NEGR1: variants seen among roughly 807,000 people sequenced by gnomAD.
The protein encoded by NEGR1 is IgLON family member 4.
Under a neutral mutation model 40.9 loss-of-function variants are expected in NEGR1, and 10 were observed. The ratio of observed to expected loss-of-function variants is 0.24; its 90% CI spans 0.15 to 0.42. The LOEUF (loss-of-function observed/expected upper bound fraction) is 0.42, where lower values mean the gene tolerates loss of function less well. NEGR1 is among the 10% of genes least tolerant of loss of function. NEGR1 has a pLI of 1.00. For missense variants in NEGR1, 352 were observed against 438.9 expected, an observed-to-expected ratio of 0.80 and a Z score of 1.77; for synonymous variants, 185 against 166.8, an observed-to-expected ratio of 1.11 and a Z score of -0.84.
chr1:72,273,957 T>G (rs1057183321), intron 1 of NEGR1, among the ~76,000 whole-genome samples: 12 of 151,676 alleles, frequency 7.9e-5, no homozygotes, highest in Non-Finnish European at 1.2e-4. Context: ...TAGGGATAGC[T>G]GAATGAGCAT....
At chr1:71,430,565 T>C (rs1646459024) in intron 6 of NEGR1, among the ~76,000 whole-genome samples, 1 of 152,004 alleles carries the variant, frequency 6.6e-6, no homozygotes. Context: ...GAGTTGGCTA[T>C]AAAACATCCA....
intron 6 of NEGR1, among the ~76,000 whole-genome samples, chr1:71,455,511 G>C (rs1341893918): frequency 6.6e-6 from 1 of 152,168 alleles, no homozygotes; most frequent in African/African-American, 2.4e-5. Context: ...CAGATCACAA[G>C]GTCAGGAGAT....
At chr1:71,991,793 T>C (rs916804146) in intron 1 of NEGR1, among the ~76,000 whole-genome samples, 6 of 152,070 alleles carry the variant, frequency 3.9e-5, no homozygotes, top group Non-Finnish European at 8.8e-5. Flanking sequence ...TTTGTTTGTT[T>C]GTTTGTTTGT....
intron 1 of NEGR1, among the ~76,000 whole-genome samples, chr1:72,130,938 T>C (rs1650223610): frequency 6.6e-6 from 1 of 152,118 alleles, no homozygotes; most frequent in South Asian, 2.1e-4. Flanking sequence ...GGATGAGGAA[T>C]AGAATTAGGA....
chr1:72,099,545 A>C (rs1426134068), intron 1 of NEGR1, among the ~76,000 whole-genome samples: 1 of 152,086 alleles, frequency 6.6e-6, no homozygotes, highest in African/African-American at 2.4e-5. Context: ...ATACTCATAA[A>C]TTTTCTTCTT....
intron 1 of NEGR1, among the ~76,000 whole-genome samples, chr1:72,107,910 G>C (rs1178476983): frequency 1.3e-5 from 2 of 150,878 alleles, no homozygotes; most frequent in Non-Finnish European, 3.0e-5. Flanking sequence ...TTTCTTCAAA[G>C]CTAAAAAAAA....
intron 1 of NEGR1, among the ~76,000 whole-genome samples, chr1:72,193,030 A>G (rs1652873995): frequency 6.6e-6 from 1 of 151,790 alleles, no homozygotes; most frequent in African/African-American, 2.4e-5. Context: ...GGAGAGAAAT[A>G]CTAGTAAATG....
At chr1:71,583,156 G>A (rs1344574839) in intron 6 of NEGR1, among the ~76,000 whole-genome samples, 1 of 151,202 alleles carries the variant, frequency 6.6e-6, no homozygotes, top group Non-Finnish European at 1.5e-5. Context: ...AAATAAATAG[G>A]TGAGAGCCTA....
intron 3 of NEGR1, among the ~76,000 whole-genome samples, chr1:71,769,827 A>G (rs964532189): frequency 2.0e-5 from 3 of 152,238 alleles, no homozygotes; most frequent in African/African-American, 7.2e-5. Context: ...ATTAACAGCT[A>G]AGAATATGAA....
At chr1:71,722,161 G>A (rs539716501) in intron 3 of NEGR1, among the ~76,000 whole-genome samples, 1 of 152,220 alleles carries the variant, frequency 6.6e-6, no homozygotes, top group East Asian at 1.9e-4. Context: ...GAGGAGGCAT[G>A]AGTAGAAAAT....
intron 1 of NEGR1, among the ~76,000 whole-genome samples, chr1:72,189,574 G>C (rs1002562551): frequency 1.3e-5 from 2 of 151,388 alleles, no homozygotes; most frequent in African/African-American, 2.4e-5. Context: ...CATTTTATTC[G>C]TATCTATATC....
intron 1 of NEGR1, among the ~76,000 whole-genome samples, chr1:72,270,077 A>G (rs1213066448): frequency 1.3e-5 from 2 of 151,832 alleles, no homozygotes; most frequent in African/African-American, 2.4e-5. Flanking sequence ...TGGGCTTGGG[A>G]TAAAGGACTT....
intron 6 of NEGR1, among the ~76,000 whole-genome samples, chr1:71,564,276 C>G (rs953139081): frequency 2.0e-5 from 3 of 151,994 alleles, no homozygotes; most frequent in Non-Finnish European, 4.4e-5. Context: ...TTTACATTAT[C>G]ATCACCACAT....
At chr1:71,411,820 C>G (rs1646323322) in intron 6 of NEGR1, among the ~76,000 whole-genome samples, 1 of 151,770 alleles carries the variant, frequency 6.6e-6, no homozygotes, top group African/African-American at 2.4e-5. Context: ...GCCAACATGG[C>G]GAAACCCCGC....
intron 3 of NEGR1, among the ~76,000 whole-genome samples, chr1:71,746,520 C>A (rs904745101): frequency 6.6e-6 from 1 of 151,830 alleles, no homozygotes; most frequent in African/African-American, 2.4e-5. Context: ...TTCAACTGCT[C>A]ATTATGTAAG....
At chr1:72,089,777 G>T (rs1418533351) in intron 1 of NEGR1, among the ~76,000 whole-genome samples, 1 of 151,840 alleles carries the variant, frequency 6.6e-6, no homozygotes, top group East Asian at 1.9e-4. Context: ...TTCTTGCCTT[G>T]CAGACAAAAG....
chr1:71,710,952 C>T (rs1240222581), intron 3 of NEGR1, among the ~76,000 whole-genome samples: 1 of 152,020 alleles, frequency 6.6e-6, no homozygotes, highest in African/African-American at 2.4e-5. Context: ...CCATTATGTG[C>T]TTATTTTGCA....
At chr1:71,645,315 CTT>C (rs1391144046) in intron 4 of NEGR1, among the ~76,000 whole-genome samples, 3 of 151,950 alleles carry the variant, frequency 2.0e-5, no homozygotes, top group Admixed American at 6.6e-5. Flanking sequence ...GTAAATAAAA[CTT>C]TATGATACAG....
At chr1:72,084,631 T>C (rs920467506) in intron 1 of NEGR1, among the ~76,000 whole-genome samples, 4 of 152,302 alleles carry the variant, frequency 2.6e-5, no homozygotes, top group African/African-American at 9.6e-5. Flanking sequence ...TGGAACATGA[T>C]ATTTGCTTAA....
Sources: allele counts gnomAD v4.1 joint callset (sites outside exome capture counted in the v4.1 genomes callset), GRCh38; gene constraint gnomAD v4.1.1; transcripts MANE v1.5; gene names NCBI Gene and HGNC (gene_info 2026-07-23, HGNC 2026-07-21).